Variants in RIC1 observed in about 807,000 individuals in gnomAD.
RIC1 encodes RIC1 partner of RAB6A GEF complex, also known as guanine nucleotide exchange factor subunit RIC1.
Under a neutral mutation model 169.0 loss-of-function variants are expected in RIC1, and 88 were observed. That is an observed-to-expected ratio of 0.52 (90% CI 0.44 to 0.62). The LOEUF (loss-of-function observed/expected upper bound fraction) is 0.62, where lower values mean the gene tolerates loss of function less well. Ranked by LOEUF, RIC1 falls within the 20% of genes least tolerant of loss-of-function variation. The probability of loss-of-function intolerance (pLI) is 0.00; values close to 1 mark genes in which losing one functional copy is unlikely to be tolerated. For missense variants in RIC1, 1,877 were observed against 1,725.5 expected, an observed-to-expected ratio of 1.09 and a Z score of -1.56; for synonymous variants, 790 against 601.5, an observed-to-expected ratio of 1.31 and a Z score of -4.59.
At chr9:5,768,605 C>T (rs1826963779) in intron 21 of RIC1, among the ~76,000 whole-genome samples, 1 of 152,200 alleles carries the variant, frequency 6.6e-6, no homozygotes, top group African/African-American at 2.4e-5. Context: ...CTTTGCCTCT[C>T]TATCCTTAGT....
intron 6 of RIC1, among the ~76,000 whole-genome samples, chr9:5,728,500 T>A (rs769258434): frequency 7.9e-5 from 12 of 152,172 alleles, no homozygotes; most frequent in Admixed American, 7.2e-4. Flanking sequence ...CCGGGTGAGG[T>A]GATGCCCTGT....
intron 1 of RIC1, 42 bp downstream of exon 1, chr9:5,629,495 G>C (rs942301568): frequency 1.3e-6 from 2 of 1,499,020 alleles, no homozygotes; most frequent in Non-Finnish European, 1.8e-6. Flanking sequence ...TGCCTCCCCG[G>C]CCTCCCGGCG....
intron 22 of RIC1, 150 bp downstream of exon 22, chr9:5,769,406 GC>G (rs1355001171): frequency 6.4e-7 from 1 of 1,568,278 alleles, no homozygotes; most frequent in African/African-American, 1.4e-5. Flanking sequence ...GAGTTGGAAT[GC>G]CCACTGTTTG....
chr9:5,712,675 T>C (rs1200038830), intron 3 of RIC1, among the ~76,000 whole-genome samples: 1 of 152,212 alleles, frequency 6.6e-6, no homozygotes, highest in Non-Finnish European at 1.5e-5. Flanking sequence ...GAAAATAAAA[T>C]TTAACTTTAA....
intron 1 of RIC1, among the ~76,000 whole-genome samples, chr9:5,646,941 G>C (rs187542909): frequency 6.6e-6 from 1 of 152,086 alleles, no homozygotes; most frequent in East Asian, 1.9e-4. Context: ...TATAGGGTGA[G>C]GTCTTCTGTT....
chr9:5,755,697 T>C (rs543658125), intron 15 of RIC1, among the ~76,000 whole-genome samples: 93 of 152,088 alleles, frequency 6.1e-4, no homozygotes, highest in Non-Finnish European at 1.2e-3. Flanking sequence ...CTAAGGCGGG[T>C]GGATCACCTG....
Position 5,774,413 on chromosome 9 carries a change from C to G in RIC1, c.*167C>G, listed in dbSNP as rs1021025950. 1.3e-5 allele frequency: 7 copies of G among 547,564 alleles called. No homozygotes were observed. The highest frequency in any genetic ancestry group is 1.1e-4 in the African/African-American group (6 of 53,372). The allele number at this position is 547,564 out of a possible 1,614,324, so 33.9% of individuals were successfully genotyped here. On this transcript the variant is annotated 3_prime_UTR_variant, in exon 26 of 26. Coordinates refer to ENST00000414202, the MANE Select transcript of RIC1 (RefSeq NM_020829.4). ...TCTTGTCTAAGAAATCTTTTTGACTCCATAAAAATGTGATATAAAGCATCT... is the reference window on the plus strand; with the variant it reads ...TCTTGTCTAAGAAATCTTTTTGACTGCATAAAAATGTGATATAAAGCATCT...
At position 5,734,709 on chromosome 9, in the gene RIC1, C is replaced by T. The variant is rs113364207; in HGVS notation, c.812+2230C>T. Among the ~76,000 whole-genome samples, 218 of 151,918 alleles carry T rather than the reference C, an allele frequency of 1.4e-3. 1 individual carries two copies. Among genetic ancestry groups the T allele is most frequent in the African/African-American group, 5.1e-3 (213 of 41,544 alleles). ...TGCCTCTGCTACTTCCTAGTCACAA[C>T]TCTTATTCCCTCCTTGACTCACTTA... On this transcript the variant is annotated intron_variant, in intron 7 of 25. Transcript: ENST00000414202.
At chr9:5,631,247 C>T (rs1326259713) in intron 1 of RIC1, among the ~76,000 whole-genome samples, 1 of 152,108 alleles carries the variant, frequency 6.6e-6, no homozygotes, top group Admixed American at 6.6e-5. Context: ...TTCAAATTCC[C>T]ACCTCACATG....
chr9:5,677,171 A>G (rs189210118), intron 2 of RIC1, among the ~76,000 whole-genome samples: 228 of 152,266 alleles, frequency 1.5e-3, no homozygotes, highest in African/African-American at 5.3e-3. Context: ...ATTTTCCTCT[A>G]TCTTTGCCAA....
chr9:5,772,925 C>T lies in RIC1; in HGVS notation c.3828C>T (p.Cys1276=), dbSNP rs1827322256. The T allele has an allele frequency of 6.2e-7, 1 of 1,613,230 alleles. No individual in the cohort carries two copies. The highest frequency in any genetic ancestry group is 1.3e-5 in the African/African-American group (1 of 74,862). The change falls in exon 25 of 26, where the codon TGC becomes TGT. Residue 1276 remains cysteine, a synonymous_variant. Coordinates refer to ENST00000414202, the MANE Select transcript of RIC1 (RefSeq NM_020829.4). ...TACACATTTTCATGGAGGCAGGGTG[C>T]CTAGACTGGTGCATCGTTATAGGCC... The part of the protein sequence containing the change: ...YLLHIFMEAG[C]LDWCIVIGLI...
chr9:5,699,245 T>G (rs1822077082), intron 3 of RIC1, among the ~76,000 whole-genome samples: 1 of 152,206 alleles, frequency 6.6e-6, no homozygotes, highest in African/African-American at 2.4e-5. Context: ...TACTGTAGTT[T>G]CCTCCCACAT....
intron 1 of RIC1, among the ~76,000 whole-genome samples, chr9:5,646,786 C>T (rs1368410715): frequency 3.9e-5 from 6 of 152,154 alleles, no homozygotes; most frequent in African/African-American, 1.4e-4. Context: ...TTTGTAGTAG[C>T]CATTGATGCA....
At chr9:5,676,231 T>C (rs1244166052) in intron 2 of RIC1, among the ~76,000 whole-genome samples, 1 of 152,190 alleles carries the variant, frequency 6.6e-6, no homozygotes, top group Admixed American at 6.5e-5. Context: ...TAAGCAAACT[T>C]TCTAGGTAAC....
At chr9:5,770,390 AT>A in intron 23 of RIC1, 112 bp downstream of exon 23, 1 of 962,660 alleles carries the variant, frequency 1.0e-6, no homozygotes, top group African/African-American at 1.7e-5. Context: ...AGGATTAACC[AT>A]TTGTATCCAC....
intron 3 of RIC1, among the ~76,000 whole-genome samples, chr9:5,701,603 A>G (rs891440908): frequency 3.3e-5 from 5 of 152,112 alleles, no homozygotes; most frequent in Admixed American, 6.5e-5. Context: ...AAAAAAAAAA[A>G]AAAAGAAAAG....
At chr9:5,630,711 A>C (rs186420620) in intron 1 of RIC1, among the ~76,000 whole-genome samples, 1 of 152,210 alleles carries the variant, frequency 6.6e-6, no homozygotes, top group African/African-American at 2.4e-5. Context: ...CAATATGACT[A>C]TTTTGTCTAG....
chr9:5,635,097 C>G lies in RIC1; in HGVS notation c.144+5644C>G, dbSNP rs1444875558. ...CGACCTCTTGGGCTCAAGCAATTCT[C>G]CCACCTTAGCATCCTGAGTAGCTGG... On this transcript the variant is annotated intron_variant, in intron 1 of 25. Coordinates refer to ENST00000414202, the MANE Select transcript of RIC1 (RefSeq NM_020829.4). Among the ~76,000 whole-genome samples the G allele has an allele frequency of 3.3e-5, 5 of 152,256 alleles. No homozygotes were observed. In the South Asian group the frequency reaches 1.0e-3, roughly 32 times the overall value.
chr9:5,736,653 C>G (rs1462807707), intron 7 of RIC1, among the ~76,000 whole-genome samples: 1 of 151,990 alleles, frequency 6.6e-6, no homozygotes, highest in Non-Finnish European at 1.5e-5. Context: ...TAAACTGAGA[C>G]ATGGAAGATA....
Sources: gnomAD v4.1 joint callset for allele counts (sites outside exome capture counted in the v4.1 genomes callset) on GRCh38, gnomAD v4.1.1 for gene constraint, MANE v1.5 for transcripts, NCBI Gene and HGNC (gene_info 2026-07-23, HGNC 2026-07-21) for gene names.